The following SCN3A variants were observed in gnomAD, a reference collection of about 807,000 sequenced individuals.
The protein encoded by SCN3A is sodium channel protein type 3 subunit alpha.
SCN3A carries 60 observed loss-of-function variants against 187.6 expected under a neutral mutation model. The observed-to-expected ratio is 0.32, with a 90% CI of 0.26 to 0.40. The LOEUF (loss-of-function observed/expected upper bound fraction) is 0.40. Among genes scored for constraint, SCN3A ranks in the 10% least tolerant of loss-of-function variants. The pLI is 1.00. For missense variants in SCN3A, 1,601 were observed against 2,428.2 expected (o/e 0.66, Z 7.16); for synonymous variants, 788 against 829.2 (o/e 0.95, Z 0.85).
intron 18 of SCN3A, among the ~76,000 whole-genome samples, chr2:165,123,495 A>G (rs1686811217): frequency 6.6e-6 from 1 of 152,136 alleles, no homozygotes; most frequent in South Asian, 2.1e-4. Flanking sequence ...CTTCAAGCAG[A>G]CATTTCATGC....
Position 165,176,189 on chromosome 2 carries a change from G to A in SCN3A, c.206C>T (p.Pro69Leu), listed in dbSNP as rs757782311. ...KNLPFIYGDI[P>L]PEMVSEPLED... ...CAGGGGCTCTGACACCATCTCTGGA[G>A]GAATGTCTCCATAAATAAATGGAAG... Residue 69 changes from proline (P) to leucine (L), a missense_variant, in exon 3 of 28, where the codon CCT becomes CTT. By Grantham distance (98) the Pro-to-Leu change is moderately conservative. Around this residue, in one of 11 missense-constraint regions of SCN3A, gnomAD observed 122 missense variants for 225.1 expected, o/e 0.54. Transcript: ENST00000283254. 6.2e-7 allele frequency: 1 copy of A among 1,613,954 alleles called. No homozygotes were observed. Among genetic ancestry groups the A allele is most frequent in the African/African-American group, 1.3e-5 (1 of 74,920 alleles).
At chr2:165,098,997 G>C (rs1463915667) in intron 22 of SCN3A, among the ~76,000 whole-genome samples, 1 of 152,170 alleles carries the variant, frequency 6.6e-6, no homozygotes, top group African/African-American at 2.4e-5. Flanking sequence ...ATTTTATCTT[G>C]TCTAACTTTC....
chr2:165,131,202 ATGT>A (rs746435830), intron 16 of SCN3A, 39 bp downstream of exon 16: 17 of 1,308,906 alleles, frequency 1.3e-5, no homozygotes, highest in Admixed American at 6.1e-5. Flanking sequence ...TTCAAAATAA[ATGT>A]TGTGCCAATG....
At chr2:165,193,114 C>T (rs1007353074) in intron 1 of SCN3A, among the ~76,000 whole-genome samples, 9 of 152,132 alleles carry the variant, frequency 5.9e-5, no homozygotes, top group Admixed American at 1.3e-4. Flanking sequence ...ATATTTCTAA[C>T]GCACTGTGCT....
intron 4 of SCN3A, among the ~76,000 whole-genome samples, chr2:165,170,164 T>C (rs1690018447): frequency 6.6e-6 from 1 of 151,914 alleles, no homozygotes; most frequent in African/African-American, 2.4e-5. Flanking sequence ...GATAAAGGTG[T>C]AAGGAGATTT....
Position 165,090,051 on chromosome 2 carries a change from C to A in SCN3A, c.*99G>T. The A allele has an allele frequency of 1.3e-6, 2 of 1,518,534 alleles. No individual in the cohort carries two copies. The highest frequency in any genetic ancestry group is 1.8e-6 in the Non-Finnish European group (2 of 1,131,344). The allele number at this position is 1,518,534 out of a possible 1,614,324, so 94.1% of individuals were successfully genotyped here. ...GACTATGAGTATTTGTTAAAACAGT[C>A]AGTTTGGCATGGACCTCCTCTTGAA... On this transcript the variant is annotated 3_prime_UTR_variant, in exon 28 of 28. Transcript: ENST00000283254. The surrounding 1 kb of genome is among the most constrained non-coding windows in gnomAD (Gnocchi z 4.0).
At chr2:165,177,437 A>T (rs1690539156) in intron 2 of SCN3A, among the ~76,000 whole-genome samples, 1 of 152,182 alleles carries the variant, frequency 6.6e-6, no homozygotes, top group South Asian at 2.1e-4. Context: ...TTGTGTCTAG[A>T]ATAGTTTTTG....
chr2:165,176,798 A>G (rs746377592), intron 2 of SCN3A, among the ~76,000 whole-genome samples: 3 of 152,164 alleles, frequency 2.0e-5, no homozygotes, highest in Admixed American at 6.5e-5. Flanking sequence ...CTGTAAGCCA[A>G]AATATAGTAT....
At chr2:165,189,845 T>A (rs1357112768) in intron 1 of SCN3A, among the ~76,000 whole-genome samples, 3 of 152,218 alleles carry the variant, frequency 2.0e-5, no homozygotes, top group Non-Finnish European at 4.4e-5. Context: ...TGGAAGCAAC[T>A]TTATTTTCTT....
rs763419735 is a variant in SCN3A, at chr2:165,162,794, C to A, written c.729G>T (p.Ser243=). The part of the protein sequence containing the change: ...LKTIVGALIQ[S]VKKLSDVMIL... ...TCATCACATCAGAAAGCTTCTTTAC[C>A]GACTGGATCAGGGCCCCCACAATGG... The change falls in exon 8 of 28, where the codon TCG becomes TCT. Residue 243 remains serine (S), a synonymous_variant. Transcript: ENST00000283254. 6.2e-7 allele frequency: 1 copy of A among 1,614,074 alleles called. No homozygotes were observed. Among genetic ancestry groups the A allele is most frequent in the South Asian group, 1.1e-5 (1 of 91,074 alleles).
chr2:165,090,756 C>T lies in SCN3A; in HGVS notation c.5397G>A (p.Lys1799=), dbSNP rs775007470. ...TAAACTGGGTCGCATCGGGATCAAA[C>T]TTTTCCCAAACCTCATAGAACATCT... ...DFEMFYEVWE[K]FDPDATQFIE... is the part of the protein sequence containing the mutation. Residue 1799 remains lysine, a synonymous_variant, in exon 28 of 28, where the codon AAG becomes AAA. Transcript: ENST00000283254. This position sits in a 1 kb window ranked among gnomAD's most constrained non-coding sequence, Gnocchi z 4.0. The T allele has an allele frequency of 3.1e-6, 5 of 1,614,002 alleles. No homozygotes were observed. In the African/African-American group the frequency reaches 4.0e-5, roughly 13 times the overall value.
chr2:165,137,780 T>C (rs1162015359), intron 15 of SCN3A, 99 bp downstream of exon 15: 6 of 866,790 alleles, frequency 6.9e-6, no homozygotes, highest in African/African-American at 6.6e-5. Flanking sequence ...GGAAAGAGGA[T>C]ATAATTTTTG....
chr2:165,136,641 T>C (rs1287829677), intron 15 of SCN3A, among the ~76,000 whole-genome samples: 1 of 152,222 alleles, frequency 6.6e-6, no homozygotes, highest in Non-Finnish European at 1.5e-5. Flanking sequence ...TTTTGCAAAA[T>C]CATGCTACTT....
At chr2:165,138,376 G>A (rs1015313996) in intron 14 of SCN3A, among the ~76,000 whole-genome samples, 1 of 152,010 alleles carries the variant, frequency 6.6e-6, no homozygotes, top group Admixed American at 6.6e-5. Flanking sequence ...AAAATGACTA[G>A]GTTATGATTG....
intron 3 of SCN3A, among the ~76,000 whole-genome samples, chr2:165,172,676 A>G (rs1456785216): frequency 6.6e-6 from 1 of 152,164 alleles, no homozygotes; most frequent in Non-Finnish European, 1.5e-5. Flanking sequence ...CTATCTCCAA[A>G]AACAGAGTGA....
At chr2:165,167,177 T>A (rs1010650334) in intron 5 of SCN3A, among the ~76,000 whole-genome samples, 3 of 152,168 alleles carry the variant, frequency 2.0e-5, no homozygotes, top group African/African-American at 7.2e-5. Flanking sequence ...ATAAATGAAA[T>A]TGATACATGT....
At chr2:165,189,645 T>C (rs1360571536) in intron 1 of SCN3A, among the ~76,000 whole-genome samples, 1 of 152,218 alleles carries the variant, frequency 6.6e-6, no homozygotes, top group Non-Finnish European at 1.5e-5. Context: ...TTATTAATGC[T>C]TATGCTAATA....
At chr2:165,141,709 A>T (rs1446627154) in intron 12 of SCN3A, among the ~76,000 whole-genome samples, 3 of 152,192 alleles carry the variant, frequency 2.0e-5, no homozygotes, top group African/African-American at 7.2e-5. Context: ...TGTCATAGCA[A>T]ACACAACACA....
chr2:165,113,704 A>G, intron 20 of SCN3A, 112 bp downstream of exon 20: 1 of 1,186,680 alleles, frequency 8.4e-7, no homozygotes, highest in East Asian at 2.4e-5. Context: ...GCTCTGCAAG[A>G]CACAGATATG....
Sources: gnomAD v4.1 joint callset for allele counts (sites outside exome capture counted in the v4.1 genomes callset) on GRCh38, gnomAD v4.1.1 for gene constraint, gnomAD v4.1.1 regional missense constraint, Gnocchi (gnomAD v3.1) non-coding constraint, MANE v1.5 for transcripts, NCBI Gene and HGNC (gene_info 2026-07-23, HGNC 2026-07-21) for gene names.